The following RTN4R variants were observed in gnomAD, a reference collection of about 807,000 sequenced individuals.
The protein encoded by RTN4R is reticulon-4 receptor.
Under a neutral mutation model 27.7 loss-of-function variants are expected in RTN4R, and 4 were observed. The observed-to-expected ratio is 0.14, with a 90% CI of 0.07 to 0.33. RTN4R has a LOEUF of 0.33. Ranked by LOEUF, RTN4R falls within the 10% of genes least tolerant of loss-of-function variation. RTN4R has a pLI of 1.00. For synonymous variants in RTN4R, 290 were observed against 305.6 expected (o/e 0.95, Z 0.53); for missense variants, 554 against 671.5 (o/e 0.83, Z 1.93).
chr22:20,252,090 C>G (rs2051187094), intron 1 of RTN4R, among the ~76,000 whole-genome samples: 1 of 55,966 alleles, frequency 1.8e-5, no homozygotes, highest in Non-Finnish European at 4.1e-5. Flanking sequence ...TCATCACCAT[C>G]GTCCTCATCA....
At chr22:20,259,457 A>T (rs1278986043) in intron 1 of RTN4R, among the ~76,000 whole-genome samples, 1 of 152,116 alleles carries the variant, frequency 6.6e-6, no homozygotes, top group Non-Finnish European at 1.5e-5. Flanking sequence ...CGCAGGGCCC[A>T]TGTGTCAGGC....
At chr22:20,258,108 G>A (rs2051222354) in intron 1 of RTN4R, among the ~76,000 whole-genome samples, 2 of 152,204 alleles carry the variant, frequency 1.3e-5, no homozygotes, top group South Asian at 2.1e-4. Context: ...CCCCACAGAG[G>A]AGAAAGCCCA....
intron 1 of RTN4R, among the ~76,000 whole-genome samples, chr22:20,248,783 A>C (rs2051157908): frequency 1.3e-5 from 2 of 152,200 alleles, no homozygotes; most frequent in African/African-American, 4.8e-5. Context: ...GGAGCCCAGG[A>C]GCCCACTACC....
Position 20,242,368 on chromosome 22 carries a change from C to T in RTN4R, c.765G>A (p.Leu255=). The T allele has an allele frequency of 6.2e-7, 1 of 1,612,898 alleles. No homozygotes were observed. The highest frequency in any genetic ancestry group is 8.5e-7 in the Non-Finnish European group (1 of 1,179,898). ...ALAPLRALQY[L]RLNDNPWVCD... ...ACACCCAGGGGTTGTCGTTGAGCCT[C>T]AGGTACTGCAGGGCACGCAGGGGGG... The change falls in exon 2 of 2, where the codon CTG becomes CTA. Residue 255 remains leucine, a synonymous_variant. Coordinates refer to ENST00000043402, the MANE Select transcript of RTN4R (RefSeq NM_023004.6).
At chr22:20,260,319 C>T (rs906658879) in intron 1 of RTN4R, among the ~76,000 whole-genome samples, 23 of 152,158 alleles carry the variant, frequency 1.5e-4, no homozygotes, top group African/African-American at 4.6e-4. Context: ...AGGGCGTGAC[C>T]GGCCAGCTCC....
rs1377400099 is a variant in RTN4R at position 20,241,681 on chromosome 22, T to G, written c.*30A>C. 1.9e-6 allele frequency: 3 copies of G among 1,548,236 alleles called. No individual in the cohort carries two copies. Among genetic ancestry groups the G allele is most frequent in the African/African-American group, 2.7e-5 (2 of 73,102 alleles). ...GACCCCGTATGTACACACACCTGGC[T>G]GCTGAGCACGCTCTTGTGTCCGCTG... is the stretch of plus-strand genomic sequence containing the variant. On this transcript the variant is annotated 3_prime_UTR_variant, in exon 2 of 2. Transcript: ENST00000043402.
chr22:20,242,071 C>G lies in RTN4R; in HGVS notation c.1062G>C (p.Ser354=), dbSNP rs142109661. ...CGCGTCCCTTCAGCGCATTGCCTGC[C>G]GAAGCTGGTCTTCCAGGCTCCAGTA... ...ASVLEPGRPA[S]AGNALKGRVP... Residue 354 remains serine, a synonymous_variant, in exon 2 of 2, where the codon TCG becomes TCC. Coordinates refer to ENST00000043402, the MANE Select transcript of RTN4R (RefSeq NM_023004.6). 21 of 1,612,416 alleles carry G rather than the reference C, an allele frequency of 1.3e-5. No homozygotes were observed. The highest frequency in any genetic ancestry group is 2.7e-5 in the African/African-American group (2 of 74,944).
At chr22:20,258,465 T>A (rs760977939) in intron 1 of RTN4R, among the ~76,000 whole-genome samples, 2 of 152,148 alleles carry the variant, frequency 1.3e-5, no homozygotes, top group African/African-American at 4.8e-5. Flanking sequence ...CTCCTGCCCA[T>A]GGAGTACTCA....
intron 1 of RTN4R, among the ~76,000 whole-genome samples, chr22:20,256,315 T>C (rs1452457440): frequency 6.6e-6 from 1 of 152,176 alleles, no homozygotes; most frequent in Non-Finnish European, 1.5e-5. Flanking sequence ...CAGGGGGCCA[T>C]GCACAGGCCA....
intron 1 of RTN4R, among the ~76,000 whole-genome samples, chr22:20,264,851 G>C (rs2051268287): frequency 6.6e-6 from 1 of 152,220 alleles, no homozygotes; most frequent in Non-Finnish European, 1.5e-5. Context: ...TCACCAGAAT[G>C]GGGGCGGGAC....
At chr22:20,265,494 C>T (rs771578586) in intron 1 of RTN4R, among the ~76,000 whole-genome samples, 2 of 152,210 alleles carry the variant, frequency 1.3e-5, no homozygotes, top group African/African-American at 2.4e-5. Flanking sequence ...TCACTCCATG[C>T]AAACCTACGT....
intron 1 of RTN4R, among the ~76,000 whole-genome samples, chr22:20,262,445 C>T (rs374941463): frequency 2.0e-5 from 3 of 152,270 alleles, no homozygotes; most frequent in African/African-American, 2.4e-5. Flanking sequence ...CATGTGGCAG[C>T]GGAGGGGGGA....
chr22:20,258,925 G>A (rs533013879), intron 1 of RTN4R, among the ~76,000 whole-genome samples: 1 of 152,226 alleles, frequency 6.6e-6, no homozygotes, highest in East Asian at 1.9e-4. Context: ...AAGGCTGGGG[G>A]TCAAGTGTGC....
In RTN4R at chr22:20,241,661, C is replaced by A. The variant is rs753726878; in HGVS notation, c.*50G>T. 1.3e-6 allele frequency: 2 copies of A among 1,543,644 alleles called. No homozygotes were observed. Among genetic ancestry groups the A allele is most frequent in the Admixed American group, 3.9e-5 (2 of 50,952 alleles). On this transcript the variant is annotated 3_prime_UTR_variant, in exon 2 of 2. Coordinates refer to ENST00000043402, the MANE Select transcript of RTN4R (RefSeq NM_023004.6). ...GGCTTGGCGGCGTGGAGAGAGACCCCGTATGTACACACACCTGGCTGCTGA... is the reference window on the plus strand; with the variant it reads ...GGCTTGGCGGCGTGGAGAGAGACCCAGTATGTACACACACCTGGCTGCTGA...
At position 20,242,971 on chromosome 22, in the gene RTN4R, G is replaced by A. The variant is rs1365959323; in HGVS notation, c.162C>T (p.Gly54=). 2.5e-6 allele frequency: 4 copies of A among 1,611,632 alleles called. No individual in the cohort carries two copies. In the African/African-American group the frequency reaches 5.3e-5, roughly 22 times the overall value. Residue 54 remains glycine, a synonymous_variant, in exon 2 of 2, where the codon GGC becomes GGT. Transcript: ENST00000043402. ...AGATGCGCTGGCTGGCAGCAGGGATGCCCACGGGCACAGCCTGCAGGCCCT... is the reference window on the plus strand; with the variant it reads ...AGATGCGCTGGCTGGCAGCAGGGATACCCACGGGCACAGCCTGCAGGCCCT... The part of the protein sequence containing the change: ...PQQGLQAVPV[G]IPAASQRIFL...
At chr22:20,248,266 G>C (rs181432913) in intron 1 of RTN4R, among the ~76,000 whole-genome samples, 43 of 152,310 alleles carry the variant, frequency 2.8e-4, no homozygotes, top group Admixed American at 1.1e-3. Flanking sequence ...TAAAGCAGGA[G>C]AAGCCACAGC....
At chr22:20,245,189 C>T (rs1602638725) in intron 1 of RTN4R, among the ~76,000 whole-genome samples, 2 of 152,272 alleles carry the variant, frequency 1.3e-5, no homozygotes, top group East Asian at 1.9e-4. Context: ...GGAGTGGCCA[C>T]GTGGCGCTCA....
intron 1 of RTN4R, among the ~76,000 whole-genome samples, chr22:20,257,810 C>A (rs1159024266): frequency 1.3e-5 from 2 of 152,120 alleles, no homozygotes; most frequent in Non-Finnish European, 2.9e-5. Context: ...TGGGTGAGTC[C>A]GTCTTGCAGG....
chr22:20,264,188 C>A (rs191127587), intron 1 of RTN4R, among the ~76,000 whole-genome samples: 1 of 152,222 alleles, frequency 6.6e-6, no homozygotes, highest in Admixed American at 6.5e-5. Context: ...TCCAGCTCCA[C>A]GGCTGCAGGC....
Sources: allele counts gnomAD v4.1 joint callset (sites outside exome capture counted in the v4.1 genomes callset), GRCh38; gene constraint gnomAD v4.1.1; transcripts MANE v1.5; gene names NCBI Gene and HGNC (gene_info 2026-07-23, HGNC 2026-07-21).